The following CFH variants were observed in gnomAD, a reference collection of about 807,000 sequenced individuals.
CFH encodes the protein complement factor H, also known as H factor 1 (complement).
Under a neutral mutation model 147.3 loss-of-function variants are expected in CFH, and 53 were observed. The ratio of observed to expected loss-of-function variants is 0.36; its 90% CI spans 0.29 to 0.45. The LOEUF is 0.45. CFH is among the 20% of genes least tolerant of loss of function. CFH has a pLI of 1.00. For missense variants in CFH, 1,380 were observed against 1,498.0 expected, an observed-to-expected ratio of 0.92 and a Z score of 1.30; for synonymous variants, 536 against 489.4, an observed-to-expected ratio of 1.10 and a Z score of -1.26.
chr1:196,672,860 G>A, intron 1 of CFH, 118 bp from the exon 2 acceptor site: 1 of 741,168 alleles, frequency 1.3e-6, no homozygotes, highest in Middle Eastern at 3.3e-4. Flanking sequence ...GAGAGAGAGA[G>A]AGAGAAATTT....
intron 15 of CFH, among the ~76,000 whole-genome samples, chr1:196,730,475 T>C (rs1316654419): frequency 2.0e-5 from 3 of 151,906 alleles, no homozygotes; most frequent in African/African-American, 7.2e-5. Flanking sequence ...TTGAATTTGA[T>C]AAGACTTGTT....
At chr1:196,735,913 T>C (rs1248084302) in intron 15 of CFH, among the ~76,000 whole-genome samples, 2 of 152,056 alleles carry the variant, frequency 1.3e-5, no homozygotes, top group Non-Finnish European at 2.9e-5. Flanking sequence ...GTCAGACACT[T>C]AAAATCATTG....
chr1:196,660,618 A>G (rs1019126668), intron 1 of CFH, among the ~76,000 whole-genome samples: 5 of 152,214 alleles, frequency 3.3e-5, no homozygotes, highest in African/African-American at 1.2e-4. Context: ...GGGCGGTCAT[A>G]TCTTTTTCTT....
rs551712748 is a variant in CFH at position 196,728,838 on chromosome 1, G to GT, written c.2413+317dup. 7.9e-5 allele frequency among the ~76,000 whole-genome samples: 12 copies of GT among 151,872 alleles called. No homozygotes were observed. In the East Asian group the frequency reaches 2.1e-3, roughly 27 times the overall value. On this transcript the variant is annotated intron_variant, in intron 15 of 21. Coordinates refer to ENST00000367429, the MANE Select transcript of CFH (RefSeq NM_000186.4). ...CCTTTTCTTGTCAACAAATGTTCCT[G>GT]TGCCTATACCTCTGTCTATGCCAAT...
intron 9 of CFH, among the ~76,000 whole-genome samples, chr1:196,713,335 G>A (rs1457455252): frequency 1.3e-5 from 2 of 152,070 alleles, no homozygotes; most frequent in Admixed American, 6.6e-5. Context: ...ATCATCACAG[G>A]ATCTCAGATA....
At chr1:196,741,606 T>C in intron 18 of CFH, 2 of 416,004 alleles carry the variant, frequency 4.8e-6, no homozygotes, top group South Asian at 4.6e-5. Context: ...ACAAAAATAA[T>C]GTGAACAAAA....
At chr1:196,699,538 A>T (rs188154309) in intron 9 of CFH, among the ~76,000 whole-genome samples, 8 of 152,148 alleles carry the variant, frequency 5.3e-5, no homozygotes, top group Non-Finnish European at 8.8e-5. Flanking sequence ...TGTAATTTTG[A>T]TGTTATCACA....
At chr1:196,672,937 A>G (rs753468508) in intron 1 of CFH, 41 bp from the exon 2 acceptor site, 21 of 1,538,228 alleles carry the variant, frequency 1.4e-5, no homozygotes, top group Non-Finnish European at 1.9e-5. Context: ...GTACATTTAA[A>G]TAGACACTTT....
intron 14 of CFH, among the ~76,000 whole-genome samples, chr1:196,727,637 C>T (rs1317799534): frequency 6.6e-6 from 1 of 152,008 alleles, no homozygotes; most frequent in Non-Finnish European, 1.5e-5. Flanking sequence ...AGCAAAGAAA[C>T]AAAGTTGACA....
chr1:196,736,478 G>A (rs761504687), intron 15 of CFH, among the ~76,000 whole-genome samples: 5 of 151,898 alleles, frequency 3.3e-5, no homozygotes, highest in Non-Finnish European at 7.4e-5. Flanking sequence ...AATTAAGAGT[G>A]TGTAATTCCA....
chr1:196,719,585 T>C (rs1668950144), intron 11 of CFH, among the ~76,000 whole-genome samples: 1 of 151,894 alleles, frequency 6.6e-6, no homozygotes, highest in Non-Finnish European at 1.5e-5. Flanking sequence ...TTAATTTTCT[T>C]TTTAGTATGA....
chr1:196,740,478 G>T (rs1652773464), intron 17 of CFH, 141 bp from the exon 18 acceptor site: 1 of 828,630 alleles, frequency 1.2e-6, no homozygotes, highest in South Asian at 1.8e-5. Flanking sequence ...CTAGTTTTAG[G>T]AAACATTTGT....
At chr1:196,664,596 T>G (rs2149071959) in intron 1 of CFH, among the ~76,000 whole-genome samples, 1 of 152,342 alleles carries the variant, frequency 6.6e-6, no homozygotes, top group East Asian at 1.9e-4. Flanking sequence ...AAGCAGCGAT[T>G]GGATTTGGCC....
intron 6 of CFH, among the ~76,000 whole-genome samples, chr1:196,681,791 C>A (rs766973654): frequency 6.6e-6 from 1 of 151,746 alleles, no homozygotes; most frequent in Admixed American, 6.6e-5. Context: ...ATAGAGAAGT[C>A]TTTCTTAATA....
chr1:196,704,004 A>AAAAAAAAC (rs1668525586), intron 9 of CFH, among the ~76,000 whole-genome samples: 1 of 151,152 alleles, frequency 6.6e-6, no homozygotes, highest in Admixed American at 6.6e-5. Context: ...AAAAAAAAAA[A>AAAAAAAAC]AGACAGAGTT....
chr1:196,675,811 C>T (rs1190459878), intron 3 of CFH, among the ~76,000 whole-genome samples, 178 bp from the exon 4 acceptor site: 3 of 151,812 alleles, frequency 2.0e-5, no homozygotes, highest in South Asian at 4.2e-4. Flanking sequence ...AAATCTAAGA[C>T]AGAGTGAAGG....
At chr1:196,701,521 T>A in intron 9 of CFH, 1 of 734,348 alleles carries the variant, frequency 1.4e-6, no homozygotes, top group Non-Finnish European at 2.2e-6. Context: ...GGCAGCCCAA[T>A]GGGGCTGGTG....
chr1:196,692,653 G>A (rs553318933), intron 9 of CFH, among the ~76,000 whole-genome samples: 1 of 82,544 alleles, frequency 1.2e-5, no homozygotes, highest in Admixed American at 1.3e-4. Context: ...CTTTGTCTAC[G>A]TTTCTCCTTC....
intron 10 of CFH, among the ~76,000 whole-genome samples, chr1:196,715,078 T>G (rs529075878): frequency 6.6e-6 from 1 of 152,170 alleles, no homozygotes; most frequent in East Asian, 1.9e-4. Context: ...CAAAAAATGT[T>G]AGTCCTCATA....
Sources: allele counts gnomAD v4.1 joint callset (sites outside exome capture counted in the v4.1 genomes callset), GRCh38; gene constraint gnomAD v4.1.1; transcripts MANE v1.5; gene names NCBI Gene and HGNC (gene_info 2026-07-23, HGNC 2026-07-21).